The following JAZF1 variants were observed in gnomAD, a reference collection of about 807,000 sequenced individuals.
The protein encoded by JAZF1 is JAZF zinc finger 1.
Under a neutral mutation model 26.4 loss-of-function variants are expected in JAZF1, and 8 were observed. The ratio of observed to expected loss-of-function variants is 0.30; its 90% confidence interval spans 0.18 to 0.55. The LOEUF is 0.55. JAZF1 is among the 20% of genes least tolerant of loss of function. The pLI, the probability that JAZF1 is intolerant of heterozygous loss-of-function variation, is 0.94. For synonymous variants in JAZF1, 126 were observed against 122.3 expected (o/e 1.03, Z -0.20); for missense variants, 199 against 322.0 (o/e 0.62, Z 2.92).
At chr7:27,915,900 G>A (rs1369930630) in intron 2 of JAZF1, among the ~76,000 whole-genome samples, 1 of 152,176 alleles carries the variant, frequency 6.6e-6, no homozygotes, top group East Asian at 1.9e-4. Context: ...AAATACTGGG[G>A]TTCTTACAAG....
intron 1 of JAZF1, among the ~76,000 whole-genome samples, chr7:27,994,341 T>C (rs1490039380): frequency 2.6e-5 from 4 of 152,050 alleles, no homozygotes; most frequent in Non-Finnish European, 5.9e-5. Context: ...ATTTGCTTCA[T>C]CATCTTTCAT....
chr7:28,155,639 G>A (rs942789081), intron 1 of JAZF1, among the ~76,000 whole-genome samples: 1 of 152,162 alleles, frequency 6.6e-6, no homozygotes, highest in African/African-American at 2.4e-5. Context: ...ACAGTATGGA[G>A]GGCCTGGCCA....
chr7:27,980,294 T>C (rs935909250), intron 2 of JAZF1, among the ~76,000 whole-genome samples: 5 of 152,166 alleles, frequency 3.3e-5, no homozygotes, highest in African/African-American at 1.2e-4. Context: ...ACACATAGCA[T>C]TGCAGCAGAT....
intron 1 of JAZF1, among the ~76,000 whole-genome samples, chr7:28,096,872 T>C (rs1204830570): frequency 1.3e-5 from 2 of 152,178 alleles, no homozygotes; most frequent in African/African-American, 2.4e-5. Flanking sequence ...TTTTACAAAG[T>C]TGCCAAAAGA....
intron 1 of JAZF1, among the ~76,000 whole-genome samples, chr7:28,024,474 G>A (rs146283987): frequency 1.2e-3 from 186 of 152,290 alleles, no homozygotes; most frequent in African/African-American, 4.3e-3. Flanking sequence ...ACATAACCAG[G>A]TGTGGGCATG....
rs868509959 is a variant in JAZF1, at chr7:27,845,437, G to A, written c.386-4570C>T. Among the ~76,000 whole-genome samples the A allele has an allele frequency of 2.2e-4, 33 of 152,302 alleles. No homozygotes were observed. In the Middle Eastern group the frequency reaches 0.014, roughly 63 times the overall value. ...ACTAGGGCTGGGCGCAGTGGCTCAC[G>A]CCTGTAATCCCAGCACTTTGGGAGG... On this transcript the variant is annotated intron_variant, in intron 3 of 4. Coordinates refer to ENST00000283928, the MANE Select transcript of JAZF1 (RefSeq NM_175061.4).
At chr7:27,898,304 T>TATATATATATATATATATATATACACAC (rs375859244) in intron 2 of JAZF1, among the ~76,000 whole-genome samples, 6 of 128,932 alleles carry the variant, frequency 4.7e-5, no homozygotes, top group African/African-American at 1.9e-4. Flanking sequence ...TATATATATA[T>TATATATATATATATATATATATACACAC]ACATCGGTTT....
At chr7:28,016,392 T>C (rs1782894190) in intron 1 of JAZF1, among the ~76,000 whole-genome samples, 1 of 152,220 alleles carries the variant, frequency 6.6e-6, no homozygotes, top group African/African-American at 2.4e-5. Flanking sequence ...TTTTAATCCC[T>C]AGAATAGTGG....
chr7:27,969,343 G>A lies in JAZF1; in HGVS notation c.188+22566C>T, dbSNP rs116014501. 5.3e-3 allele frequency among the ~76,000 whole-genome samples: 800 copies of A among 152,148 alleles called. 9 individuals carry two copies. Among genetic ancestry groups the A allele is most frequent in the African/African-American group, 0.018 (756 of 41,496 alleles). On this transcript the variant is annotated intron_variant, in intron 2 of 4. Coordinates refer to ENST00000283928, the MANE Select transcript of JAZF1 (RefSeq NM_175061.4). ...CGTTGGCAAGGACTGATTGTATGCC[G>A]GCCCTACCAACTGTAAATTACACAG...
intron 2 of JAZF1, among the ~76,000 whole-genome samples, chr7:27,922,882 T>A (rs980937168): frequency 6.6e-6 from 1 of 152,210 alleles, no homozygotes; most frequent in African/African-American, 2.4e-5. Flanking sequence ...ATGATCAACA[T>A]TCGCCTAGAA....
At chr7:27,980,466 A>C (rs1192324566) in intron 2 of JAZF1, among the ~76,000 whole-genome samples, 5 of 152,280 alleles carry the variant, frequency 3.3e-5, no homozygotes, top group Non-Finnish European at 7.3e-5. Flanking sequence ...AAAGGCAACA[A>C]TTTTTACTTA....
At chr7:27,980,358 C>A (rs10257968) in intron 2 of JAZF1, among the ~76,000 whole-genome samples, 2 of 152,164 alleles carry the variant, frequency 1.3e-5, no homozygotes, top group Non-Finnish European at 2.9e-5. Context: ...AAAAAGCCCA[C>A]TTTTAAGAAA....
intron 1 of JAZF1, among the ~76,000 whole-genome samples, chr7:28,056,861 C>G (rs1019345013): frequency 6.6e-6 from 1 of 152,172 alleles, no homozygotes; most frequent in Non-Finnish European, 1.5e-5. Context: ...AGAACCCACG[C>G]ATCTCTTAAA....
At chr7:27,993,332 G>A (rs1410588598) in intron 1 of JAZF1, among the ~76,000 whole-genome samples, 3 of 152,112 alleles carry the variant, frequency 2.0e-5, no homozygotes, top group African/African-American at 7.2e-5. Context: ...GTAGCTCTGC[G>A]CTTCCTCAGT....
chr7:27,905,979 T>C (rs1784249227), intron 2 of JAZF1, among the ~76,000 whole-genome samples: 1 of 152,266 alleles, frequency 6.6e-6, no homozygotes. Flanking sequence ...TATAACATAC[T>C]GTTTACAATT....
intron 2 of JAZF1, among the ~76,000 whole-genome samples, chr7:27,918,026 G>A (rs922185902): frequency 5.9e-5 from 9 of 152,126 alleles, no homozygotes; most frequent in African/African-American, 2.2e-4. Context: ...GGCACTTCCT[G>A]CTATAGTGAT....
intron 1 of JAZF1, among the ~76,000 whole-genome samples, chr7:28,047,657 C>A (rs918780204): frequency 2.6e-5 from 4 of 152,058 alleles, no homozygotes. Context: ...TTTTCTTCAA[C>A]TTTATTGAAG....
chr7:27,929,953 T>TCTCTCTCTCTCTCTCC (rs1784659433), intron 2 of JAZF1, among the ~76,000 whole-genome samples: 4 of 151,692 alleles, frequency 2.6e-5, no homozygotes, highest in South Asian at 4.2e-4. Context: ...TCTCTCTCTC[T>TCTCTCTCTCTCTCTCC]CTCTCTCCCC....
chr7:27,945,439 T>A (rs11763181), intron 2 of JAZF1, among the ~76,000 whole-genome samples: 1 of 152,068 alleles, frequency 6.6e-6, no homozygotes, highest in African/African-American at 2.4e-5. Flanking sequence ...GCACCTCTTC[T>A]TAACCCAGGC....
Sources: gnomAD v4.1 joint callset for allele counts (sites outside exome capture counted in the v4.1 genomes callset) on GRCh38, gnomAD v4.1.1 for gene constraint, MANE v1.5 for transcripts, NCBI Gene and HGNC (gene_info 2026-07-23, HGNC 2026-07-21) for gene names.